The following SKOR2 variants were observed in gnomAD, a reference collection of about 807,000 sequenced individuals.
SKOR2 encodes the protein SKI family transcriptional corepressor 2, also known as LBX1 corepressor 1-like protein.
In SKOR2, 47 loss-of-function variants were observed where a neutral mutation model predicts 69.1. The ratio of observed to expected loss-of-function variants is 0.68; its 90% CI spans 0.54 to 0.87. SKOR2 has a LOEUF of 0.87. SKOR2 is among the 40% of genes least tolerant of loss of function. The pLI is 0.00. For missense variants in SKOR2, 1,404 were observed against 1,472.2 expected (o/e 0.95, Z 0.76); for synonymous variants, 717 against 672.6 (o/e 1.07, Z -1.02).
rs1194631490 is a variant in SKOR2, at chr18:47,244,942, A to C, written c.2718T>G (p.Asp906Glu). 2.0e-6 allele frequency: 3 copies of C among 1,535,930 alleles called. No homozygotes were observed. The highest frequency in any genetic ancestry group is 1.4e-5 in the African/African-American group (1 of 73,148). The change falls in exon 4 of 9, where the codon GAT (aspartate) becomes GAG (glutamate). Residue 906 changes from aspartate (D) to glutamate (E), a missense_variant. Physicochemically the swap from Asp to Glu is conservative, Grantham distance 45 (BLOSUM62 2). This residue lies in a region of SKOR2 where 1,266 missense variants were observed against 1,309.9 expected (regional missense o/e 0.97). Coordinates refer to ENST00000425639, the MANE Select transcript of SKOR2 (RefSeq NM_001278063.4). ...KEHSFFITDSDASGGDFWRER... is the reference protein window; with the variant it reads ...KEHSFFITDSEASGGDFWRER... ...CTCTCCAAAAATCTCCTCCAGAAGC[A>C]TCAGAGTCTGTGATGAAAAAGCTAT...
At position 47,230,459 on chromosome 18, in the gene SKOR2, T is replaced by C; in HGVS notation, c.2917A>G (p.Asn973Asp). 1 of 1,399,708 alleles carries C rather than the reference T, an allele frequency of 7.1e-7. No homozygotes were observed. The highest frequency in any genetic ancestry group is 9.3e-7 in the Non-Finnish European group (1 of 1,079,314). 86.7% of individuals were successfully genotyped at this position (1,399,708 alleles called of 1,614,324 possible). Residue 973 changes from asparagine to aspartate, a missense_variant and splice_region_variant, in exon 6 of 9, where the codon AAT (asparagine) becomes GAT (aspartate). Asn to Asp is a conservative substitution (Grantham distance 23). Coordinates refer to ENST00000425639, the MANE Select transcript of SKOR2 (RefSeq NM_001278063.4). ...CAATGAAATAAAAGTGATTTCTTAC[T>C]GAATACTGGGAAAGATGTGTTTCCT... ...LKGNTSFPVF[N>D]NFQDQMKREL...
At chr18:47,244,015 T>G (rs1025366995) in intron 4 of SKOR2, among the ~76,000 whole-genome samples, 2 of 152,208 alleles carry the variant, frequency 1.3e-5, no homozygotes, top group African/African-American at 4.8e-5. Context: ...CATAAAACAT[T>G]TTATTTCATT....
intron 4 of SKOR2, 187 bp from the exon 5 acceptor site, chr18:47,231,187 A>C: frequency 6.5e-7 from 1 of 1,535,916 alleles, no homozygotes; most frequent in East Asian, 2.4e-5. Context: ...GGGGAGGTGC[A>C]GAAAAGGAGG....
At chr18:47,226,578 T>A (rs2064179597) in intron 6 of SKOR2, among the ~76,000 whole-genome samples, 1 of 152,180 alleles carries the variant, frequency 6.6e-6, no homozygotes. Context: ...TGATTAAACT[T>A]ATTGTTTAGT....
chr18:47,249,565 T>C (rs545114277), intron 1 of SKOR2, among the ~76,000 whole-genome samples: 21 of 152,360 alleles, frequency 1.4e-4, no homozygotes, highest in Admixed American at 9.1e-4. Flanking sequence ...AGAAATTAAA[T>C]AGTAACGATA....
intron 6 of SKOR2, among the ~76,000 whole-genome samples, chr18:47,223,235 T>C (rs1041537225): frequency 2.0e-5 from 3 of 152,160 alleles, no homozygotes; most frequent in East Asian, 3.9e-4. Flanking sequence ...GGGGAGAGAA[T>C]ATAAATGGGC....
In SKOR2 at chr18:47,245,458, G is replaced by A. The variant is rs746208276; in HGVS notation, c.2677+40C>T. 36 of 1,423,020 alleles carry A rather than the reference G, an allele frequency of 2.5e-5. 2 individuals are homozygous for A. The East Asian group carries it at 7.2e-4, about 29-fold the overall frequency. 88.1% of individuals were successfully genotyped at this position (1,423,020 alleles called of 1,614,324 possible). A position where few individuals can be genotyped will look rare whatever the true frequency, so the allele number is the denominator to read the frequency against. ...AGTCTCACAGAAATGGTTAAATGCAGGCAAGAAAAGTGGCAGCTGATTTTT... is the reference window on the plus strand; with the variant it reads ...AGTCTCACAGAAATGGTTAAATGCAAGCAAGAAAAGTGGCAGCTGATTTTT... On this transcript the variant is annotated intron_variant, in intron 3 of 8. Coordinates refer to ENST00000425639, the MANE Select transcript of SKOR2 (RefSeq NM_001278063.4).
Position 47,246,810 on chromosome 18 carries a change from C to A in SKOR2, c.2374G>T (p.Gly792Trp). 1 of 1,427,306 alleles carries A rather than the reference C, an allele frequency of 7.0e-7. No homozygotes were observed. The highest frequency in any genetic ancestry group is 1.8e-4 in the Middle Eastern group (1 of 5,514). The allele number at this position is 1,427,306 out of a possible 1,614,324, so 88.4% of individuals were successfully genotyped here. A position where few individuals can be genotyped will look rare whatever the true frequency, so the allele number is the denominator to read the frequency against. The change falls in exon 2 of 9, where the codon GGG (glycine) becomes TGG (tryptophan). Residue 792 changes from glycine to tryptophan, a missense_variant. Gly to Trp is a radical substitution (Grantham distance 184). Coordinates refer to ENST00000425639, the MANE Select transcript of SKOR2 (RefSeq NM_001278063.4). ...CGGCTGCTCCCCTTCTCCGACGGCC[C>A]TCGGCCCTGGAGGAACCGGCCGCCC... ...VGGGRFLQGR[G>W]PSEKGSSRDR... is the part of the protein sequence containing the mutation.
At chr18:47,219,719 C>A (rs2064155211) in intron 7 of SKOR2, among the ~76,000 whole-genome samples, 1 of 152,158 alleles carries the variant, frequency 6.6e-6, no homozygotes, top group Non-Finnish European at 1.5e-5. Context: ...ATTTACACAT[C>A]TGTCTATTAA....
chr18:47,247,720 C>G lies in SKOR2; in HGVS notation c.1464G>C (p.Pro488=). ...GLPVPTYLQP[P]PQPPSALGCA... is the part of the protein sequence containing the mutation. ...AGCCTAGCGCCGAGGGCGGCTGAGGCGGGGGCTGCAGGTAGGTGGGCACCG... is the reference window on the plus strand; with the variant it reads ...AGCCTAGCGCCGAGGGCGGCTGAGGGGGGGGCTGCAGGTAGGTGGGCACCG... Residue 488 remains proline, a synonymous_variant, in exon 2 of 9, where the codon CCG becomes CCC. Coordinates refer to ENST00000425639, the MANE Select transcript of SKOR2 (RefSeq NM_001278063.4). The surrounding 1 kb of genome is among the most constrained non-coding windows in gnomAD (Gnocchi z 6.6). 7.4e-6 allele frequency: 10 copies of G among 1,360,414 alleles called. No individual in the cohort carries two copies. Among genetic ancestry groups the G allele is most frequent in the Non-Finnish European group, 9.4e-6 (10 of 1,066,388 alleles). The allele number at this position is 1,360,414 out of a possible 1,614,324, so 84.3% of individuals were successfully genotyped here. A position where few individuals can be genotyped will look rare whatever the true frequency, so the allele number is the denominator to read the frequency against.
In SKOR2 at chr18:47,245,527, A is replaced by G. The variant is rs2064269046; in HGVS notation, c.2648T>C (p.Val883Ala). The change falls in exon 3 of 9, where the codon GTA becomes GCA. Residue 883 changes from valine to alanine, a missense_variant. Val to Ala is a moderately conservative substitution (Grantham distance 64, BLOSUM62 0). Transcript: ENST00000425639. ...QKTKENNQVI[V>A]STKDDNSFSD... is the part of the protein sequence containing the mutation. ...AAAGCTGTTGTCATCCTTTGTAGAT[A>G]CAATTACTTGGTTATTTTCCTTAGT... 7.7e-7 allele frequency: 1 copy of G among 1,304,276 alleles called. No homozygotes were observed. The highest frequency in any genetic ancestry group is 2.6e-5 in the Admixed American group (1 of 38,172). 80.8% of individuals were successfully genotyped at this position (1,304,276 alleles called of 1,614,324 possible).
chr18:47,247,616 G>T lies in SKOR2; in HGVS notation c.1568C>A (p.Ala523Asp). The T allele has an allele frequency of 1.6e-6, 2 of 1,283,094 alleles. No individual in the cohort carries two copies. The highest frequency in any genetic ancestry group is 2.5e-5 in the South Asian group (1 of 39,458). 79.5% of individuals were successfully genotyped at this position (1,283,094 alleles called of 1,614,324 possible). The change falls in exon 2 of 9, where the codon GCC (alanine) becomes GAC (aspartate). Residue 523 changes from alanine to aspartate, a missense_variant. This residue lies in a region of SKOR2 where 1,266 missense variants were observed against 1,309.9 expected (regional missense o/e 0.97). Coordinates refer to ENST00000425639, the MANE Select transcript of SKOR2 (RefSeq NM_001278063.4). The surrounding 1 kb of genome is among the most constrained non-coding windows in gnomAD (Gnocchi z 6.6). Reference protein sequence around the residue: ...LAEPGGAAGSAEAAPPPGQPP... With the variant: ...LAEPGGAAGSDEAAPPPGQPP... ...CTGCCCCGGCGGGGGCGCGGCCTCGGCGCTCCCAGCAGCACCGCCTGGCTC... is the reference window on the plus strand; with the variant it reads ...CTGCCCCGGCGGGGGCGCGGCCTCGTCGCTCCCAGCAGCACCGCCTGGCTC...
chr18:47,242,448 C>T (rs2064253247), intron 4 of SKOR2, among the ~76,000 whole-genome samples: 1 of 151,904 alleles, frequency 6.6e-6, no homozygotes, highest in South Asian at 2.1e-4. Context: ...AATTAAAGTT[C>T]CTAAAAGTAA....
At chr18:47,219,907 A>G in intron 7 of SKOR2, 36 bp downstream of exon 7, 2 of 1,515,432 alleles carry the variant, frequency 1.3e-6, no homozygotes, top group Non-Finnish European at 8.9e-7. Context: ...CAAACCAATT[A>G]AGTTGCATTT....
At chr18:47,221,927 A>G (rs1342662629) in intron 6 of SKOR2, among the ~76,000 whole-genome samples, 4 of 152,190 alleles carry the variant, frequency 2.6e-5, no homozygotes, top group Admixed American at 2.0e-4. Context: ...TCTGCCATCT[A>G]TAGTAACTAC....
chr18:47,249,223 C>T lies in SKOR2; in HGVS notation c.-40G>A. On this transcript the variant is annotated 5_prime_UTR_variant, in exon 2 of 9. Transcript: ENST00000425639. Reference sequence around the variant, plus strand: ...CCCGGGCCGAGCCCTACAGGTCTGCCTTGGACACTGGAAGGGAAAGGAGAA... The same window carrying T: ...CCCGGGCCGAGCCCTACAGGTCTGCTTTGGACACTGGAAGGGAAAGGAGAA... 6.6e-7 allele frequency: 1 copy of T among 1,511,640 alleles called. No homozygotes were observed. 93.6% of individuals were successfully genotyped at this position (1,511,640 alleles called of 1,614,324 possible).
chr18:47,250,422 A>C (rs1024112032), intron 1 of SKOR2, among the ~76,000 whole-genome samples: 3 of 152,248 alleles, frequency 2.0e-5, no homozygotes, highest in Non-Finnish European at 4.4e-5. Flanking sequence ...GGAAAGAAGG[A>C]AAGTGGCTCA....
intron 4 of SKOR2, among the ~76,000 whole-genome samples, chr18:47,232,461 G>C (rs2064203450): frequency 2.6e-5 from 4 of 152,178 alleles, no homozygotes; most frequent in Admixed American, 2.6e-4. Context: ...TATCCTCAAT[G>C]CTCACATAAT....
At chr18:47,242,135 C>G (rs992016953) in intron 4 of SKOR2, among the ~76,000 whole-genome samples, 2 of 152,040 alleles carry the variant, frequency 1.3e-5, no homozygotes, top group Non-Finnish European at 2.9e-5. Context: ...GTTCTGATGG[C>G]TTGTTAGGGT....
Sources: allele counts gnomAD v4.1 joint callset (sites outside exome capture counted in the v4.1 genomes callset), GRCh38; gene constraint gnomAD v4.1.1; regional missense constraint gnomAD v4.1.1; non-coding constraint Gnocchi (gnomAD v3.1); transcripts MANE v1.5; gene names NCBI Gene and HGNC (gene_info 2026-07-23, HGNC 2026-07-21).